The following MYT1L variants were observed in gnomAD, a reference collection of about 807,000 sequenced individuals.
MYT1L encodes the protein myelin transcription factor 1-like protein.
In MYT1L, 12 loss-of-function variants were observed where a neutral mutation model predicts 126.7. That is an observed-to-expected ratio of 0.09 (90% CI 0.06 to 0.15). The LOEUF is 0.15. MYT1L is among the 10% of genes least tolerant of loss of function. MYT1L has a pLI of 1.00. For synonymous variants in MYT1L, 541 were observed against 604.2 expected (o/e 0.90, Z 1.53); for missense variants, 979 against 1,585.2 (o/e 0.62, Z 6.49).
intron 8 of MYT1L, among the ~76,000 whole-genome samples, chr2:1,966,423 A>C (rs2059362478): frequency 6.6e-6 from 1 of 152,238 alleles, no homozygotes; most frequent in Admixed American, 6.5e-5. Context: ...CTACAGTAGG[A>C]TAACAGGGAC....
chr2:2,113,082 G>A (rs1386104641), intron 3 of MYT1L, among the ~76,000 whole-genome samples: 1 of 152,166 alleles, frequency 6.6e-6, no homozygotes, highest in African/African-American at 2.4e-5. Context: ...CAGCTTCACT[G>A]TCTCCTGGCT....
intron 4 of MYT1L, among the ~76,000 whole-genome samples, chr2:2,017,159 CTG>C (rs999719880): frequency 1.3e-4 from 20 of 152,160 alleles, no homozygotes; most frequent in African/African-American, 4.3e-4. Flanking sequence ...AGACTCCACA[CTG>C]AGAGTTGCCC....
intron 2 of MYT1L, among the ~76,000 whole-genome samples, chr2:2,185,264 G>A (rs2091992036): frequency 6.6e-6 from 1 of 152,194 alleles, no homozygotes; most frequent in Non-Finnish European, 1.5e-5. Context: ...AACACACAAA[G>A]CTTATATAAC....
At chr2:1,821,590 G>T in intron 21 of MYT1L, among the ~76,000 whole-genome samples, 1 of 152,156 alleles carries the variant, frequency 6.6e-6, no homozygotes, top group East Asian at 1.9e-4. Context: ...CCCTGGTAAG[G>T]CTGGTTTGTT....
chr2:1,866,649 GACA>G (rs2045553517), intron 18 of MYT1L, among the ~76,000 whole-genome samples: 2 of 70,008 alleles, frequency 2.9e-5, no homozygotes, highest in South Asian at 5.2e-4. Flanking sequence ...GAGAGAGAGA[GACA>G]GAGAGAGAGG....
intron 3 of MYT1L, among the ~76,000 whole-genome samples, chr2:2,161,162 G>A (rs559425728): frequency 5.3e-5 from 8 of 152,252 alleles, no homozygotes; most frequent in South Asian, 4.1e-4. Flanking sequence ...GCAGTGAGCC[G>A]AGATTGCACC....
intron 2 of MYT1L, among the ~76,000 whole-genome samples, chr2:2,231,556 T>C (rs1329100195): frequency 2.6e-5 from 4 of 152,086 alleles, no homozygotes; most frequent in Non-Finnish European, 4.4e-5. Flanking sequence ...CAAGCAATCC[T>C]CCCACCTCAG....
At chr2:1,833,114 C>T (rs1182639789) in intron 21 of MYT1L, among the ~76,000 whole-genome samples, 1 of 152,170 alleles carries the variant, frequency 6.6e-6, no homozygotes, top group Non-Finnish European at 1.5e-5. Context: ...TCTCAAGTTC[C>T]TAGGAAGCCT....
At chr2:1,989,970 C>A (rs2061345750) in intron 5 of MYT1L, among the ~76,000 whole-genome samples, 1 of 152,188 alleles carries the variant, frequency 6.6e-6, no homozygotes, top group South Asian at 2.1e-4. Context: ...GCACTCCAGC[C>A]TGGGCAGCAA....
intron 4 of MYT1L, among the ~76,000 whole-genome samples, chr2:2,031,553 C>A (rs1574667554): frequency 1.4e-5 from 2 of 146,528 alleles, no homozygotes. Flanking sequence ...TGGCCCAGAG[C>A]AGATTCTAGA....
intron 3 of MYT1L, among the ~76,000 whole-genome samples, chr2:2,067,867 T>C (rs143310250): frequency 1.3e-5 from 2 of 151,850 alleles, no homozygotes; most frequent in East Asian, 3.9e-4. Flanking sequence ...GTGCAGAAAA[T>C]GTTAAGCATT....
intron 1 of MYT1L, among the ~76,000 whole-genome samples, chr2:2,292,513 T>C (rs1469822041): frequency 6.6e-6 from 1 of 152,176 alleles, no homozygotes; most frequent in East Asian, 1.9e-4. Context: ...ACACGGTTTC[T>C]GGACAGGACA....
chr2:1,873,447 G>C (rs1457072799), intron 18 of MYT1L, among the ~76,000 whole-genome samples: 1 of 152,206 alleles, frequency 6.6e-6, no homozygotes, highest in Admixed American at 6.5e-5. Flanking sequence ...GCTGTACATG[G>C]AGAGGCCACA....
chr2:1,815,425 T>C (rs922667534), intron 21 of MYT1L, among the ~76,000 whole-genome samples: 1 of 152,236 alleles, frequency 6.6e-6, no homozygotes, highest in African/African-American at 2.4e-5. Flanking sequence ...CATGATGCTG[T>C]CAGCTCTACC....
At chr2:2,251,440 C>T (rs372539076) in intron 2 of MYT1L, among the ~76,000 whole-genome samples, 7 of 152,186 alleles carry the variant, frequency 4.6e-5, no homozygotes, top group Non-Finnish European at 7.3e-5. Flanking sequence ...TGTCCGCCCA[C>T]GCCACGCTTC....
intron 4 of MYT1L, among the ~76,000 whole-genome samples, chr2:2,040,016 G>A (rs1404214158): frequency 6.6e-6 from 1 of 152,220 alleles, no homozygotes; most frequent in Non-Finnish European, 1.5e-5. Context: ...GTGAGGGCCT[G>A]CGAAAGGGAA....
intron 18 of MYT1L, among the ~76,000 whole-genome samples, chr2:1,868,211 C>G (rs2045845387): frequency 6.6e-6 from 1 of 152,172 alleles, no homozygotes; most frequent in East Asian, 1.9e-4. Flanking sequence ...GATCTGCCCG[C>G]CTTGGCCTCC....
At chr2:2,244,132 A>G (rs895416637) in intron 2 of MYT1L, among the ~76,000 whole-genome samples, 2 of 152,222 alleles carry the variant, frequency 1.3e-5, no homozygotes, top group African/African-American at 2.4e-5. Context: ...ACTTATCAAA[A>G]GATTTTTACA....
intron 5 of MYT1L, among the ~76,000 whole-genome samples, chr2:1,981,012 G>C (rs2060567782): frequency 6.6e-6 from 1 of 152,086 alleles, no homozygotes; most frequent in South Asian, 2.1e-4. Context: ...ACTGAGTGAA[G>C]AAGACTCATT....
Sources: allele counts gnomAD v4.1 joint callset (sites outside exome capture counted in the v4.1 genomes callset), GRCh38; gene constraint gnomAD v4.1.1; transcripts MANE v1.5; gene names NCBI Gene and HGNC (gene_info 2026-07-23, HGNC 2026-07-21).